COL14A1: variants seen among roughly 807,000 people sequenced by gnomAD.
COL14A1 encodes the protein collagen type XIV alpha 1 chain, also known as collagen alpha-1(XIV) chain.
COL14A1 carries 136 observed loss-of-function variants against 230.3 expected under a neutral mutation model. The observed-to-expected ratio is 0.59, with a 90% CI of 0.51 to 0.68. The LOEUF is 0.68. COL14A1 is among the 30% of genes least tolerant of loss of function. The probability of loss-of-function intolerance (pLI) is 0.00; values close to 1 mark genes in which losing one functional copy is unlikely to be tolerated. For missense variants in COL14A1, 1,976 were observed against 2,215.8 expected, an observed-to-expected ratio of 0.89 and a Z score of 2.17; for synonymous variants, 792 against 784.1, an observed-to-expected ratio of 1.01 and a Z score of -0.17.
intron 25 of COL14A1, among the ~76,000 whole-genome samples, chr8:120,269,223 A>C (rs1192262261): frequency 2.6e-5 from 4 of 151,824 alleles, no homozygotes; most frequent in Admixed American, 2.6e-4. Context: ...AACAGATTCA[A>C]CTGCAATGAT....
chr8:120,359,339 C>T (rs1187504335), intron 45 of COL14A1, among the ~76,000 whole-genome samples: 2 of 151,750 alleles, frequency 1.3e-5, no homozygotes, highest in Non-Finnish European at 2.9e-5. Context: ...GTCTTTCATG[C>T]TGAGCATGAA....
At position 120,254,074 on chromosome 8, in the gene COL14A1, G is replaced by A. The variant is rs149955181; in HGVS notation, c.2753-1166G>A. ...GAACAGTGTAAATGTATAAATTATAGTTAGACAAGATTATTTTTACCATCT... is the reference window on the plus strand; with the variant it reads ...GAACAGTGTAAATGTATAAATTATAATTAGACAAGATTATTTTTACCATCT... On this transcript the variant is annotated intron_variant, in intron 22 of 47. Transcript: ENST00000297848. 5.4e-3 allele frequency among the ~76,000 whole-genome samples: 827 copies of A among 152,240 alleles called. 5 individuals carry two copies. The highest frequency in any genetic ancestry group is 8.5e-3 in the Non-Finnish European group (580 of 68,014).
intron 34 of COL14A1, among the ~76,000 whole-genome samples, chr8:120,295,994 A>G (rs927488707): frequency 2.0e-5 from 3 of 151,882 alleles, no homozygotes; most frequent in Non-Finnish European, 4.4e-5. Flanking sequence ...GCTATAATGT[A>G]TTTTTCCAAA....
intron 1 of COL14A1, among the ~76,000 whole-genome samples, chr8:120,132,705 C>T (rs1023270434): frequency 6.6e-6 from 1 of 151,516 alleles, no homozygotes; most frequent in Non-Finnish European, 1.5e-5. Flanking sequence ...GTGTTTTGGG[C>T]AGTATTCTTA....
intron 1 of COL14A1, among the ~76,000 whole-genome samples, chr8:120,128,707 C>T (rs1211640733): frequency 6.6e-6 from 1 of 152,144 alleles, no homozygotes; most frequent in Admixed American, 6.5e-5. Flanking sequence ...AAGTTTAGAG[C>T]CTAGACTCCC....
At chr8:120,328,446 A>G (rs1248428409) in intron 40 of COL14A1, among the ~76,000 whole-genome samples, 1 of 149,582 alleles carries the variant, frequency 6.7e-6, no homozygotes, top group African/African-American at 2.5e-5. Context: ...TGCCCAGGCT[A>G]GTCTTGAACT....
At chr8:120,360,520 A>G (rs1280963003) in intron 45 of COL14A1, among the ~76,000 whole-genome samples, 3 of 152,154 alleles carry the variant, frequency 2.0e-5, no homozygotes, top group South Asian at 2.1e-4. Context: ...GCCTTTGCGC[A>G]TGCATGTTCG....
chr8:120,228,715 A>G lies in COL14A1; in HGVS notation c.2143A>G (p.Ser715Gly). 1.2e-6 allele frequency: 2 copies of G among 1,613,598 alleles called. No homozygotes were observed. Among genetic ancestry groups the G allele is most frequent in the Admixed American group, 1.7e-5 (1 of 60,000 alleles). Reference sequence around the variant, plus strand: ...AAGTAATATATTGCTTTTAGTTGACAGTTTTTGGACAGAACCAGCTACAAC... The same window carrying G: ...AAGTAATATATTGCTTTTAGTTGACGGTTTTTGGACAGAACCAGCTACAAC... The part of the protein sequence containing the change: ...VVTAVGTTLD[S>G]FWTEPATTIV... Residue 715 changes from serine to glycine, a missense_variant, in exon 18 of 48, where the codon AGT (serine) becomes GGT (glycine). Coordinates refer to ENST00000297848, the MANE Select transcript of COL14A1 (RefSeq NM_021110.4).
chr8:120,332,087 C>T, intron 40 of COL14A1, 54 bp from the exon 41 acceptor site: 1 of 1,518,394 alleles, frequency 6.6e-7, no homozygotes, highest in Non-Finnish European at 9.1e-7. Flanking sequence ...TGAGCCCATT[C>T]TGAAAGCCAT....
chr8:120,237,693 T>A (rs1349506845), intron 19 of COL14A1, among the ~76,000 whole-genome samples: 5 of 152,242 alleles, frequency 3.3e-5, no homozygotes, highest in African/African-American at 1.2e-4. Flanking sequence ...GAAGGGGCAT[T>A]CTGGTTTTTG....
chr8:120,285,987 A>T lies in COL14A1; in HGVS notation c.4077+17A>T. ...TTTCACAAGGTTAGTAATGCTTTGT[A>T]TGCATATATTCTTTATTCTATTTGC... On this transcript the variant is annotated intron_variant, in intron 33 of 47. Coordinates refer to ENST00000297848, the MANE Select transcript of COL14A1 (RefSeq NM_021110.4). The T allele has an allele frequency of 7.7e-7, 1 of 1,300,960 alleles. No homozygotes were observed. The highest frequency in any genetic ancestry group is 1.1e-6 in the Non-Finnish European group (1 of 896,708). 80.6% of individuals were successfully genotyped at this position (1,300,960 alleles called of 1,614,324 possible). A position where few individuals can be genotyped will look rare whatever the true frequency, so the allele number is the denominator to read the frequency against.
intron 32 of COL14A1, 65 bp from the exon 33 acceptor site, chr8:120,285,796 A>G: frequency 9.3e-7 from 1 of 1,074,392 alleles, no homozygotes; most frequent in South Asian, 1.5e-5. Context: ...TTTGAGTTGA[A>G]TTTTAGAAAA....
At chr8:120,231,419 A>C (rs1300740045) in intron 18 of COL14A1, 48 bp from the exon 19 acceptor site, 2 of 1,589,366 alleles carry the variant, frequency 1.3e-6, no homozygotes, top group Non-Finnish European at 1.7e-6. Flanking sequence ...CTCATTTTGG[A>C]ATATGATATG....
rs541800974 is a variant in COL14A1 at position 120,361,643 on chromosome 8, T to G, written c.5078-5528T>G. Reference sequence around the variant, plus strand: ...TATAATAACACAGAAAGCCTTGATCTATAATCTCTGTGACTTTTTGGTACA... The same window carrying G: ...TATAATAACACAGAAAGCCTTGATCGATAATCTCTGTGACTTTTTGGTACA... On this transcript the variant is annotated intron_variant, in intron 45 of 47. Coordinates refer to ENST00000297848, the MANE Select transcript of COL14A1 (RefSeq NM_021110.4). Among the ~76,000 whole-genome samples the G allele has an allele frequency of 1.4e-3, 208 of 152,328 alleles. 1 individual carries two copies. Among genetic ancestry groups the G allele is most frequent in the African/African-American group, 4.7e-3 (196 of 41,572 alleles).
At chr8:120,209,580 A>G (rs1817557701) in intron 11 of COL14A1, among the ~76,000 whole-genome samples, 176 bp from the exon 12 acceptor site, 1 of 152,114 alleles carries the variant, frequency 6.6e-6, no homozygotes, top group Admixed American at 6.5e-5. Context: ...ACCATATTTG[A>G]AAACAGCAGT....
At chr8:120,192,092 T>A (rs1816847146) in intron 5 of COL14A1, among the ~76,000 whole-genome samples, 1 of 152,104 alleles carries the variant, frequency 6.6e-6, no homozygotes, top group African/African-American at 2.4e-5. Flanking sequence ...GTCATTATGA[T>A]GTTAGCTGGT....
chr8:120,223,538 C>T (rs902846504), intron 14 of COL14A1, among the ~76,000 whole-genome samples: 3 of 152,008 alleles, frequency 2.0e-5, no homozygotes, highest in Non-Finnish European at 4.4e-5. Flanking sequence ...GATCTGGTGG[C>T]GCATGCCTGT....
intron 45 of COL14A1, 90 bp downstream of exon 45, chr8:120,345,653 CT>C: frequency 9.1e-7 from 1 of 1,104,360 alleles, no homozygotes; most frequent in Non-Finnish European, 1.2e-6. Flanking sequence ...AGGATAAAGT[CT>C]GAAACAATGG....
rs1250308691 is a variant in COL14A1 at position 120,255,327 on chromosome 8, C to A, written c.2840C>A (p.Ala947Asp). The change falls in exon 23 of 48, where the codon GCC becomes GAC. Residue 947 changes from alanine to aspartate, a missense_variant. Ala to Asp is a moderately radical substitution (Grantham distance 126, BLOSUM62 -2). Transcript: ENST00000297848. ...AHWQVHRHAT[A>D]YRVVIESLQD... is the part of the protein sequence containing the mutation. ...TGGCAGGTACATCGCCATGCCACAG[C>A]CTATAGGGTTGTTATAGAATCCCTC... 5 of 1,613,796 alleles carry A rather than the reference C, an allele frequency of 3.1e-6. No homozygotes were observed. Among genetic ancestry groups the A allele is most frequent in the Non-Finnish European group, 4.2e-6 (5 of 1,179,792 alleles).
Sources: gnomAD v4.1 joint callset for allele counts (sites outside exome capture counted in the v4.1 genomes callset) on GRCh38, gnomAD v4.1.1 for gene constraint, MANE v1.5 for transcripts, NCBI Gene and HGNC (gene_info 2026-07-23, HGNC 2026-07-21) for gene names.